Variants in TMEM123 observed in about 807,000 individuals in gnomAD.
TMEM123 encodes the protein porimin.
A neutral mutation model predicts 19.7 loss-of-function variants in TMEM123; 16 were observed. That is an observed-to-expected ratio of 0.81 (90% CI 0.55 to 1.23). The LOEUF is 1.23. TMEM123 is among the 50% of genes most tolerant of loss of function. The pLI is 0.00. For synonymous variants in TMEM123, 118 were observed against 99.4 expected, an observed-to-expected ratio of 1.19 and a Z score of -1.12; for missense variants, 313 against 257.8, an observed-to-expected ratio of 1.21 and a Z score of -1.47.
chr11:102,424,664 G>A (rs1433008770), intron 2 of TMEM123, among the ~76,000 whole-genome samples: 1 of 152,124 alleles, frequency 6.6e-6, no homozygotes, highest in Non-Finnish European at 1.5e-5. Flanking sequence ...ACTCCAGCCT[G>A]GGTGACAGAG....
chr11:102,410,323 G>C (rs1171047296), intron 2 of TMEM123, among the ~76,000 whole-genome samples: 1 of 152,060 alleles, frequency 6.6e-6, no homozygotes, highest in Non-Finnish European at 1.5e-5. Context: ...AACTGGAATT[G>C]AACTGCAAAG....
At chr11:102,407,947 CTG>C (rs1951969999) in intron 2 of TMEM123, among the ~76,000 whole-genome samples, 1 of 152,338 alleles carries the variant, frequency 6.6e-6, no homozygotes, top group African/African-American at 2.4e-5. Context: ...AAATATGTCT[CTG>C]TGCAACGGTA....
chr11:102,413,747 A>C (rs1952022990), intron 2 of TMEM123, among the ~76,000 whole-genome samples: 1 of 152,210 alleles, frequency 6.6e-6, no homozygotes, highest in African/African-American at 2.4e-5. Flanking sequence ...AGCAACTTCA[A>C]AGCCCACACA....
At chr11:102,426,024 G>A (rs779153397) in intron 2 of TMEM123, among the ~76,000 whole-genome samples, 7 of 152,096 alleles carry the variant, frequency 4.6e-5, no homozygotes, top group Non-Finnish European at 1.0e-4. Context: ...GCACCTCATG[G>A]TGATATTTAT....
chr11:102,446,039 C>T (rs1222101955), intron 2 of TMEM123, among the ~76,000 whole-genome samples: 1 of 152,190 alleles, frequency 6.6e-6, no homozygotes, highest in Non-Finnish European at 1.5e-5. Flanking sequence ...TCTCAGATCC[C>T]TCTGTTGGGA....
chr11:102,432,313 T>G (rs1449656760), intron 2 of TMEM123, among the ~76,000 whole-genome samples: 2 of 152,186 alleles, frequency 1.3e-5, no homozygotes, highest in Non-Finnish European at 2.9e-5. Flanking sequence ...ACCAAAATGC[T>G]GATAGTGATA....
chr11:102,398,434 A>G lies in TMEM123; in HGVS notation c.*433T>C, dbSNP rs956330299. The G allele has an allele frequency of 5.0e-6, 2 of 399,430 alleles. No individual in the cohort carries two copies. Among genetic ancestry groups the G allele is most frequent in the Non-Finnish European group, 8.8e-6 (2 of 227,318 alleles). The allele number at this position is 399,430 out of a possible 1,614,324, so 24.7% of individuals were successfully genotyped here. A position where few individuals can be genotyped will look rare whatever the true frequency, so the allele number is the denominator to read the frequency against. On this transcript the variant is annotated 3_prime_UTR_variant, in exon 5 of 5. Transcript: ENST00000398136. ...TGGCATTAGTAATTAAGATATATCC[A>G]GCTCTGAAAAGCACTGAAGTTCTTT...
chr11:102,406,453 C>A (rs539691231), intron 2 of TMEM123, among the ~76,000 whole-genome samples: 38 of 152,154 alleles, frequency 2.5e-4, no homozygotes, highest in Non-Finnish European at 2.6e-4. Flanking sequence ...GCTCTATCTA[C>A]CCATCAGCTA....
intron 4 of TMEM123, among the ~76,000 whole-genome samples, chr11:102,400,505 C>A (rs1424243646): frequency 1.3e-5 from 2 of 152,172 alleles, no homozygotes; most frequent in Non-Finnish European, 2.9e-5. Flanking sequence ...ACCCACAGGG[C>A]AAATTTTGGA....
At chr11:102,405,710 T>C (rs1330283004) in intron 2 of TMEM123, among the ~76,000 whole-genome samples, 1 of 152,128 alleles carries the variant, frequency 6.6e-6, no homozygotes, top group African/African-American at 2.4e-5. Context: ...CCCTCTGGTA[T>C]AATAAAACAT....
intron 2 of TMEM123, among the ~76,000 whole-genome samples, chr11:102,428,603 G>T (rs763949205): frequency 6.6e-6 from 1 of 150,908 alleles, no homozygotes; most frequent in Non-Finnish European, 1.5e-5. Context: ...CAGTGTGCCC[G>T]GCCCCCCCAA....
intron 4 of TMEM123, among the ~76,000 whole-genome samples, chr11:102,401,276 T>G (rs905688765): frequency 3.9e-5 from 6 of 152,338 alleles, no homozygotes; most frequent in Non-Finnish European, 7.3e-5. Flanking sequence ...TCAGGGTAGG[T>G]TAACTTTGGT....
chr11:102,410,063 C>CT (rs1364406619), intron 2 of TMEM123, among the ~76,000 whole-genome samples: 1 of 151,996 alleles, frequency 6.6e-6, no homozygotes, highest in Non-Finnish European at 1.5e-5. Context: ...AAAGTAACAA[C>CT]TAGGGATTCC....
At chr11:102,443,484 G>T (rs1857848304) in intron 2 of TMEM123, among the ~76,000 whole-genome samples, 1 of 152,146 alleles carries the variant, frequency 6.6e-6, no homozygotes, top group South Asian at 2.1e-4. Flanking sequence ...GGGAAAACTG[G>T]CTAGCCATAT....
intron 2 of TMEM123, among the ~76,000 whole-genome samples, chr11:102,403,354 C>T (rs1951928841): frequency 2.0e-5 from 3 of 152,208 alleles, no homozygotes; most frequent in Admixed American, 1.3e-4. Context: ...TTTCATCCAG[C>T]AAAGGTTTCC....
At chr11:102,402,716 T>C (rs1021705550) in intron 2 of TMEM123, among the ~76,000 whole-genome samples, 2 of 152,212 alleles carry the variant, frequency 1.3e-5, no homozygotes, top group African/African-American at 4.8e-5. Context: ...TGAGTTATTT[T>C]TTGTAAAAGT....
chr11:102,452,656 G>A lies in TMEM123; in HGVS notation c.-33C>T, dbSNP rs932514670. ...AGGGCAGGATGCGGCAGCCTCGTGG[G>A]CTCCCAGCCGAGGTGGCGGCGGCGA... On this transcript the variant is annotated 5_prime_UTR_variant, in exon 1 of 5. Transcript: ENST00000398136. 5 of 1,427,422 alleles carry A rather than the reference G, an allele frequency of 3.5e-6. No homozygotes were observed. The highest frequency in any genetic ancestry group is 1.4e-5 in the South Asian group (1 of 71,288). The allele number at this position is 1,427,422 out of a possible 1,614,324, so 88.4% of individuals were successfully genotyped here. A position where few individuals can be genotyped will look rare whatever the true frequency, so the allele number is the denominator to read the frequency against.
At chr11:102,412,463 A>C (rs1208173943) in intron 2 of TMEM123, among the ~76,000 whole-genome samples, 1 of 152,176 alleles carries the variant, frequency 6.6e-6, no homozygotes, top group Non-Finnish European at 1.5e-5. Context: ...AGGCCATTTA[A>C]AAGACAGAGA....
At chr11:102,449,080 C>G (rs1239052870) in intron 1 of TMEM123, 6 of 499,986 alleles carry the variant, frequency 1.2e-5, no homozygotes, top group Admixed American at 3.2e-5. Flanking sequence ...AGATAAACAT[C>G]TAGCTTACAT....
Sources: gnomAD v4.1 joint callset for allele counts (sites outside exome capture counted in the v4.1 genomes callset) on GRCh38, gnomAD v4.1.1 for gene constraint, MANE v1.5 for transcripts, NCBI Gene and HGNC (gene_info 2026-07-23, HGNC 2026-07-21) for gene names.